BCORL1: variants seen among roughly 807,000 people sequenced by gnomAD.
BCORL1 encodes the protein BCL-6 corepressor-like protein 1.
Under a neutral mutation model 87.6 loss-of-function variants are expected in BCORL1, and 7 were observed. That is an observed-to-expected ratio of 0.08 (90% CI 0.05 to 0.15). The LOEUF (loss-of-function observed/expected upper bound fraction) is 0.15, where lower values mean the gene tolerates loss of function less well. Among genes scored for constraint, BCORL1 ranks in the 10% least tolerant of loss-of-function variants. The pLI, the probability that BCORL1 is intolerant of heterozygous loss-of-function variation, is 1.00. For missense variants in BCORL1, 1,215 were observed against 1,499.7 expected (o/e 0.81, Z 3.13); for synonymous variants, 591 against 634.4 (o/e 0.93, Z 1.03).
chrX:130,039,025 C>T, intron 10 of BCORL1, 112 bp from the exon 11 acceptor site: 1 of 882,635 alleles, frequency 1.1e-6, no homozygotes. Flanking sequence ...CATATTACAC[C>T]AAGGTTACCT....
chrX:130,031,029 G>A (rs1341184849), intron 8 of BCORL1, among the ~76,000 whole-genome samples: 3 of 112,831 alleles, frequency 2.7e-5, no homozygotes, highest in African/African-American at 9.7e-5. Flanking sequence ...CTTCCCACAG[G>A]GGCTCAGAGC....
At chrX:130,051,734 C>T in intron 12 of BCORL1, 126 bp from the exon 13 acceptor site, 1 of 620,810 alleles carries the variant, frequency 1.6e-6, no homozygotes, top group Non-Finnish European at 2.4e-6. Context: ...TGACTAGGGG[C>T]CTGTGGCCTT....
intron 13 of BCORL1, among the ~76,000 whole-genome samples, chrX:130,052,356 A>G (rs184137656): frequency 8.9e-6 from 1 of 112,571 alleles, no homozygotes; most frequent in African/African-American, 3.2e-5. Context: ...GTAAACAGAT[A>G]GAACATTAGA....
intron 8 of BCORL1, among the ~76,000 whole-genome samples, chrX:130,031,159 T>G (rs1930579088): frequency 8.9e-6 from 1 of 112,883 alleles, no homozygotes; most frequent in Non-Finnish European, 1.9e-5. Context: ...GAGTCACCCT[T>G]TGGTTCCTGG....
chrX:129,990,566 A>G (rs762032524), intron 1 of BCORL1, among the ~76,000 whole-genome samples: 10 of 111,197 alleles, frequency 9.0e-5, no homozygotes, highest in African/African-American at 3.3e-4. Context: ...TTCTTGTTCA[A>G]TTGTATCCTA....
upstream of BCORL1, among the ~76,000 whole-genome samples, chrX:129,982,219 C>T: frequency 9.0e-6 from 1 of 111,173 alleles, no homozygotes; most frequent in East Asian, 2.9e-4. Context: ...GGACGTGGGG[C>T]TCCTGCAGCC....
At chrX:130,053,481 C>T (rs1389878236) in intron 13 of BCORL1, among the ~76,000 whole-genome samples, 4 of 111,682 alleles carry the variant, frequency 3.6e-5, no homozygotes, top group African/African-American at 1.3e-4. Flanking sequence ...TATTCAGCAC[C>T]TCCCTCTCTG....
At chrX:129,989,444 C>CTT (rs55654985) in intron 1 of BCORL1, among the ~76,000 whole-genome samples, 307 of 17,778 alleles carry the variant, frequency 0.017, 131 homozygotes, top group Non-Finnish European at 0.02. Flanking sequence ...CCGCACCCGT[C>CTT]TTTTTTTTTT....
Position 130,026,374 on chromosome X carries a change from T to C in BCORL1, c.4078+995T>C, listed in dbSNP as rs189580660. On this transcript the variant is annotated intron_variant, in intron 7 of 13. Transcript: ENST00000540052. ...CCGGCTCTGTTTAAGTGGAGGTGTA[T>C]ATGATACCCATCTCTACGCTCAAGA... Among the ~76,000 whole-genome samples the C allele has an allele frequency of 1.0e-3, 117 of 112,659 alleles. 1 individual carries two copies. The highest frequency in any genetic ancestry group is 3.7e-3 in the African/African-American group (114 of 31,098).
At chrX:130,044,094 C>T (rs1338166733) in intron 11 of BCORL1, among the ~76,000 whole-genome samples, 1 of 105,210 alleles carries the variant, frequency 9.5e-6, no homozygotes, top group East Asian at 3.0e-4. Context: ...TTAGTAGAGA[C>T]GGGGTTCACC....
intron 11 of BCORL1, among the ~76,000 whole-genome samples, chrX:130,041,278 CAAAAAAAAAAAA>C (rs56172113): frequency 3.0e-5 from 1 of 33,736 alleles, no homozygotes; most frequent in Admixed American, 3.7e-4. Context: ...GACAGTGTCT[CAAAAAAAAAAAA>C]AAAAAAAAAA....
At position 130,021,233 on chromosome X, in the gene BCORL1, G is replaced by A. The variant is rs760659297; in HGVS notation, c.3607+83G>A. On this transcript the variant is annotated intron_variant, in intron 5 of 13. Coordinates refer to ENST00000540052, the MANE Select transcript of BCORL1 (RefSeq NM_001379451.1). ...GTGGTGAGGGCAGAGGGGCTCAGGCGCTGACTCCTTCACTCTGGAAAAGTG... is the reference window on the plus strand; with the variant it reads ...GTGGTGAGGGCAGAGGGGCTCAGGCACTGACTCCTTCACTCTGGAAAAGTG... The A allele has an allele frequency of 9.2e-5, 103 of 1,114,908 alleles. No homozygotes were observed. The African/African-American group carries it at 1.4e-3, about 15-fold the overall frequency. 91.9% of individuals were successfully genotyped at this position (1,114,908 alleles called of 1,213,427 possible). A position where few individuals can be genotyped will look rare whatever the true frequency, so the allele number is the denominator to read the frequency against.
At chrX:130,002,159 CT>C (rs1377634192) in intron 1 of BCORL1, among the ~76,000 whole-genome samples, 2 of 109,735 alleles carry the variant, frequency 1.8e-5, no homozygotes, top group Non-Finnish European at 3.8e-5. Context: ...ACGCTGCTTA[CT>C]GGGCATAGGG....
At chrX:130,021,415 C>T (rs758173930) in intron 5 of BCORL1, 38 of 360,581 alleles carry the variant, frequency 1.1e-4, no homozygotes, top group Non-Finnish European at 1.4e-4. Flanking sequence ...ACACAGTAGC[C>T]GACCCATTTC....
At chrX:130,020,067 G>A (rs778923674) in intron 4 of BCORL1, among the ~76,000 whole-genome samples, 38 of 112,414 alleles carry the variant, frequency 3.4e-4, no homozygotes, top group African/African-American at 1.1e-3. Context: ...GATAGGTAGC[G>A]AGAGCTGATG....
rs762200856 is a variant in BCORL1, at chrX:130,015,385, T to C, written c.2613T>C (p.Gly871=). ...CCAGCGTTGTTTCGGAGTTTTCTGG[T>C]GTGCCATCTCTCAGCTCCAGCGAAG... ...RPTSVVSEFS[G]VPSLSSSEAV... Residue 871 remains glycine, a synonymous_variant, in exon 4 of 14, where the codon GGT becomes GGC. Transcript: ENST00000540052. 8.3e-7 allele frequency: 1 copy of C among 1,212,092 alleles called. No individual in the cohort carries two copies. The highest frequency in any genetic ancestry group is 1.1e-6 in the Non-Finnish European group (1 of 895,598).
In BCORL1 at chrX:129,988,464, T is replaced by TA. The variant is rs545522151; in HGVS notation, c.-45+5713dup. Among the ~76,000 whole-genome samples, 173 of 105,921 alleles carry TA rather than the reference T, an allele frequency of 1.6e-3. 1 individual carries two copies. Among genetic ancestry groups the TA allele is most frequent in the South Asian group, 8.8e-3 (22 of 2,511 alleles). The allele number at this position is 105,921 out of a possible 115,157, so 92.0% of individuals were successfully genotyped here. ...AAAACATAAAAAAGGATCTTTTTTT[T>TA]AAAAAAAAAAAGTAACTGAGTAACT... is the stretch of plus-strand genomic sequence containing the variant. On this transcript the variant is annotated intron_variant, in intron 1 of 13. Transcript: ENST00000540052.
At chrX:130,016,295 C>T (rs1210873307) in intron 4 of BCORL1, 82 bp downstream of exon 4, 3 of 1,080,730 alleles carry the variant, frequency 2.8e-6, no homozygotes, top group African/African-American at 3.7e-5. Context: ...TCCTGTGACC[C>T]CTACCCTGTG....
chrX:130,016,881 G>A (rs1055826790), intron 4 of BCORL1, among the ~76,000 whole-genome samples: 1 of 111,690 alleles, frequency 9.0e-6, no homozygotes, highest in African/African-American at 3.3e-5. Flanking sequence ...TGGGCCAGGA[G>A]CACTTGATGA....
Sources: allele counts gnomAD v4.1 joint callset (sites outside exome capture counted in the v4.1 genomes callset), GRCh38; gene constraint gnomAD v4.1.1; transcripts MANE v1.5; gene names NCBI Gene and HGNC (gene_info 2026-07-23, HGNC 2026-07-21).